Variants in SFMBT1 observed in about 807,000 individuals in gnomAD.
SFMBT1 encodes the protein scm-like with four MBT domains protein 1.
A neutral mutation model predicts 108.7 loss-of-function variants in SFMBT1; 32 were observed. The observed-to-expected ratio is 0.29, with a 90% CI of 0.22 to 0.40. SFMBT1 has a LOEUF of 0.40. SFMBT1 is among the 10% of genes least tolerant of loss of function. The pLI is 1.00. For synonymous variants in SFMBT1, 348 were observed against 369.5 expected (o/e 0.94, Z 0.67); for missense variants, 816 against 1,059.6 (o/e 0.77, Z 3.19).
At chr3:53,015,510 A>G (rs551293123) in intron 1 of SFMBT1, among the ~76,000 whole-genome samples, 1 of 152,364 alleles carries the variant, frequency 6.6e-6, no homozygotes, top group East Asian at 1.9e-4. Flanking sequence ...TACTGACAAC[A>G]GCCAAAATGT....
intron 1 of SFMBT1, among the ~76,000 whole-genome samples, chr3:52,977,466 C>T (rs1704556546): frequency 6.6e-6 from 1 of 151,876 alleles, no homozygotes. Context: ...AAGCGCACCA[C>T]TGCACTTCAG....
At chr3:53,010,812 A>G (rs1468812903) in intron 1 of SFMBT1, among the ~76,000 whole-genome samples, 1 of 152,236 alleles carries the variant, frequency 6.6e-6, no homozygotes, top group East Asian at 1.9e-4. Flanking sequence ...TATTTGTTAT[A>G]CCATATCAAC....
In SFMBT1 at chr3:52,903,858, T is replaced by TA. The variant is rs1192812776; in HGVS notation, c.*1277dup. The TA allele has an allele frequency of 6.6e-6, 1 of 152,196 alleles. No homozygotes were observed. The highest frequency in any genetic ancestry group is 6.5e-5 in the Admixed American group (1 of 15,276). 9.4% of individuals were successfully genotyped at this position (152,196 alleles called of 1,614,324 possible). A position where few individuals can be genotyped will look rare whatever the true frequency, so the allele number is the denominator to read the frequency against. Reference sequence around the variant, plus strand: ...AGTTTCATGTTAACTTGAGCTGGGCTAAAAGACACACTTAAAAGAATACTG... The same window carrying TA: ...AGTTTCATGTTAACTTGAGCTGGGCTAAAAAGACACACTTAAAAGAATACTG... On this transcript the variant is annotated 3_prime_UTR_variant, in exon 21 of 21. Coordinates refer to ENST00000394752, the MANE Select transcript of SFMBT1 (RefSeq NM_016329.4).
chr3:53,008,494 A>AT (rs1698825263), intron 1 of SFMBT1, among the ~76,000 whole-genome samples: 1 of 152,194 alleles, frequency 6.6e-6, no homozygotes, highest in Non-Finnish European at 1.5e-5. Context: ...AAAGTACTAA[A>AT]TAAGTCTTCC....
At chr3:52,984,976 T>G (rs1704855082) in intron 1 of SFMBT1, among the ~76,000 whole-genome samples, 1 of 152,186 alleles carries the variant, frequency 6.6e-6, no homozygotes, top group Non-Finnish European at 1.5e-5. Context: ...TATCTTTCAC[T>G]GTACCAGAAT....
intron 1 of SFMBT1, among the ~76,000 whole-genome samples, chr3:52,978,788 A>T (rs1029892226): frequency 5.8e-4 from 88 of 152,370 alleles, no homozygotes; most frequent in African/African-American, 1.9e-3. Context: ...ATAAAAAGAA[A>T]TGAAGTACGA....
rs966055087 is a variant in SFMBT1, at chr3:52,947,278, C to T, written c.124-3685G>A. 5.9e-5 allele frequency among the ~76,000 whole-genome samples: 9 copies of T among 151,906 alleles called. 1 individual carries two copies. Among genetic ancestry groups the T allele is most frequent in the South Asian group, 4.2e-4 (2 of 4,818 alleles). On this transcript the variant is annotated intron_variant, in intron 3 of 20. Transcript: ENST00000394752. ...GACTACAGATACCCGCCACCAAGCC[C>T]GGCTAATTTTCTGTATTTTTAGTAG...
chr3:53,011,324 C>T (rs1211729181), intron 1 of SFMBT1, among the ~76,000 whole-genome samples: 2 of 152,086 alleles, frequency 1.3e-5, no homozygotes, highest in African/African-American at 4.8e-5. Context: ...CGGCAAGGGG[C>T]AGGGTGGAAA....
intron 2 of SFMBT1, among the ~76,000 whole-genome samples, chr3:52,959,505 G>C (rs934717631): frequency 1.3e-5 from 2 of 152,064 alleles, no homozygotes; most frequent in Non-Finnish European, 2.9e-5. Flanking sequence ...TGACAATGAG[G>C]TTCCTGCCAT....
intron 10 of SFMBT1, among the ~76,000 whole-genome samples, chr3:52,922,779 G>A (rs1260478087): frequency 6.6e-6 from 1 of 152,188 alleles, no homozygotes; most frequent in Non-Finnish European, 1.5e-5. Context: ...TCTGGACAGG[G>A]TAAAAGAGAA....
intron 4 of SFMBT1, among the ~76,000 whole-genome samples, chr3:52,942,222 TTCC>T (rs1339818256): frequency 6.6e-6 from 1 of 152,238 alleles, no homozygotes; most frequent in African/African-American, 2.4e-5. Context: ...CAAAGTTAAT[TTCC>T]TCATTTTCAT....
At chr3:52,984,306 T>C (rs755425559) in intron 1 of SFMBT1, among the ~76,000 whole-genome samples, 52 of 152,180 alleles carry the variant, frequency 3.4e-4, no homozygotes, top group East Asian at 7.7e-4. Flanking sequence ...ACTATCTGTG[T>C]AGTGTCTCCA....
At chr3:52,997,986 A>G (rs149662063) in intron 1 of SFMBT1, among the ~76,000 whole-genome samples, 1,614 of 150,828 alleles carry the variant, frequency 0.011, 59 homozygotes, top group African/African-American at 0.036. Context: ...CATAAAATTT[A>G]CCATTCTAAT....
Position 52,916,278 on chromosome 3 carries a change from A to T in SFMBT1, c.1416-64T>A. ...TTAAGATCAGTAAAGTGTGAGGCTTAGTTTCCTTCAAATCTAAGAAGAAAG... is the reference window on the plus strand; with the variant it reads ...TTAAGATCAGTAAAGTGTGAGGCTTTGTTTCCTTCAAATCTAAGAAGAAAG... On this transcript the variant is annotated intron_variant, in intron 13 of 20. Coordinates refer to ENST00000394752, the MANE Select transcript of SFMBT1 (RefSeq NM_016329.4). 3 of 1,442,118 alleles carry T rather than the reference A, an allele frequency of 2.1e-6. No individual in the cohort carries two copies. In the South Asian group the frequency reaches 3.5e-5, roughly 17 times the overall value. The allele number at this position is 1,442,118 out of a possible 1,614,324, so 89.3% of individuals were successfully genotyped here.
chr3:52,940,554 C>T (rs775465606), intron 4 of SFMBT1, among the ~76,000 whole-genome samples: 24 of 152,088 alleles, frequency 1.6e-4, no homozygotes, highest in African/African-American at 5.8e-4. Flanking sequence ...CACATACATA[C>T]ATAAATGGAG....
intron 2 of SFMBT1, among the ~76,000 whole-genome samples, chr3:52,967,507 T>TA (rs1351256450): frequency 6.6e-6 from 1 of 152,144 alleles, no homozygotes; most frequent in African/African-American, 2.4e-5. Context: ...GTGAATAGAC[T>TA]AAAAACCTCT....
intron 8 of SFMBT1, among the ~76,000 whole-genome samples, chr3:52,929,669 G>A (rs1170463162): frequency 2.6e-5 from 4 of 152,180 alleles, no homozygotes; most frequent in Non-Finnish European, 5.9e-5. Flanking sequence ...TTCCAAGACA[G>A]GGAAAACTTA....
At chr3:53,029,913 C>A (rs1212270487) in intron 1 of SFMBT1, among the ~76,000 whole-genome samples, 5 of 151,760 alleles carry the variant, frequency 3.3e-5, no homozygotes, top group African/African-American at 1.2e-4. Flanking sequence ...GGCAGGGAGG[C>A]TGGAGAACAG....
intron 17 of SFMBT1, among the ~76,000 whole-genome samples, chr3:52,908,657 C>T (rs1039010080): frequency 1.1e-4 from 16 of 152,240 alleles, no homozygotes; most frequent in Middle Eastern, 3.4e-3. Flanking sequence ...CAACCTCCAC[C>T]GCCTGGGTTC....
Sources: gnomAD v4.1 joint callset for allele counts (sites outside exome capture counted in the v4.1 genomes callset) on GRCh38, gnomAD v4.1.1 for gene constraint, MANE v1.5 for transcripts, NCBI Gene and HGNC (gene_info 2026-07-23, HGNC 2026-07-21) for gene names.